MATR3: variants seen among roughly 807,000 people sequenced by gnomAD.
The protein encoded by MATR3 is matrin 3.
Under a neutral mutation model 85.5 loss-of-function variants are expected in MATR3, and 4 were observed. The ratio of observed to expected loss-of-function variants is 0.05; its 90% CI spans 0.02 to 0.11. The LOEUF is 0.11. MATR3 is among the 10% of genes least tolerant of loss of function. The pLI, the probability that MATR3 is intolerant of heterozygous loss-of-function variation, is 1.00. For missense variants in MATR3, 685 were observed against 1,016.1 expected, an observed-to-expected ratio of 0.67 and a Z score of 4.43; for synonymous variants, 336 against 343.1, an observed-to-expected ratio of 0.98 and a Z score of 0.23.
At position 139,325,904 on chromosome 5, in the gene MATR3, T is replaced by TG. The variant is rs371846952; in HGVS notation, c.2371+243dup. 2.7e-3 allele frequency among the ~76,000 whole-genome samples: 411 copies of TG among 152,360 alleles called. 12 individuals carry two copies. The highest frequency in any genetic ancestry group is 9.1e-3 in the African/African-American group (380 of 41,588). ...TGTTCCCTTTTTTCGTAAAATTTCT[T>TG]GCAAGTTACACGCTTTTGTTTTGCT... On this transcript the variant is annotated intron_variant, in intron 13 of 14. Coordinates refer to ENST00000394805, the MANE Select transcript of MATR3 (RefSeq NM_018834.6).
At chr5:139,284,562 C>T (rs1343860109) in intron 3 of MATR3, among the ~76,000 whole-genome samples, 1 of 151,428 alleles carries the variant, frequency 6.6e-6, no homozygotes, top group Non-Finnish European at 1.5e-5. Flanking sequence ...GAGCTGAGAT[C>T]GTGCCACTGC....
Position 139,327,322 on chromosome 5 carries a change from A to T in MATR3, c.2493+1038A>T, listed in dbSNP as rs866479581. Among the ~76,000 whole-genome samples, 750 of 137,924 alleles carry T rather than the reference A, an allele frequency of 5.4e-3. 10 individuals are homozygous for T. Among genetic ancestry groups the T allele is most frequent in the South Asian group, 0.02 (87 of 4,452 alleles). The allele number at this position is 137,924 out of a possible 152,430, so 90.5% of individuals were successfully genotyped here. On this transcript the variant is annotated intron_variant, in intron 14 of 14. Transcript: ENST00000394805. ...CACTTCTGTTTTTTTTTTTTTTTTTAAATGTAACTGCTCTTTGCCACCTAT... is the reference window on the plus strand; with the variant it reads ...CACTTCTGTTTTTTTTTTTTTTTTTTAATGTAACTGCTCTTTGCCACCTAT...
Position 139,326,180 on chromosome 5 carries a change from C to G in MATR3, c.2389C>G (p.Pro797Ala), listed in dbSNP as rs751811718. 6.2e-7 allele frequency: 1 copy of G among 1,606,748 alleles called. No homozygotes were observed. Among genetic ancestry groups the G allele is most frequent in the South Asian group, 1.1e-5 (1 of 90,886 alleles). ...ATTTCTAGGTATAGACTATGTGATA[C>G]CTAAAACAGGGTTTTACTGTAAGCT... The part of the protein sequence containing the change: ...NVPVGIDYVI[P>A]KTGFYCKLCS... Residue 797 changes from proline (P) to alanine (A), a missense_variant, in exon 14 of 15, where the codon CCT (proline) becomes GCT (alanine). By Grantham distance (27) the Pro-to-Ala change is conservative. Around this residue, in one of 9 missense-constraint regions of MATR3, gnomAD observed 45 missense variants for 82.5 expected, o/e 0.55. Coordinates refer to ENST00000394805, the MANE Select transcript of MATR3 (RefSeq NM_018834.6).
intron 1 of MATR3, chr5:139,300,004 G>A (rs952926236): frequency 4.6e-5 from 7 of 152,170 alleles, no homozygotes; most frequent in Admixed American, 1.3e-4. Context: ...AATGAAGAAG[G>A]AAGATGTTTA....
In MATR3 at chr5:139,315,736, A is replaced by G; in HGVS notation, c.1014A>G (p.Thr338=). 2 of 1,609,730 alleles carry G rather than the reference A, an allele frequency of 1.2e-6. No individual in the cohort carries two copies. Among genetic ancestry groups the G allele is most frequent in the Non-Finnish European group, 1.7e-6 (2 of 1,176,234 alleles). Residue 338 remains threonine (T), a splice_region_variant and synonymous_variant, in exon 4 of 15, where the codon ACA becomes ACG. Coordinates refer to ENST00000394805, the MANE Select transcript of MATR3 (RefSeq NM_018834.6). The part of the protein sequence containing the change: ...EWNPDNDTGH[T]MGDPFMLQQS... ...ATCCTGACAATGATACAGGACACAC[A>G]ATGTAAGTTAAATTTTTTAAGCTAC...
At chr5:139,306,958 T>C (rs1034304908) in intron 1 of MATR3, among the ~76,000 whole-genome samples, 2 of 152,198 alleles carry the variant, frequency 1.3e-5, no homozygotes, top group Non-Finnish European at 2.9e-5. Context: ...ACTGAAATTT[T>C]GATGTACTCA....
chr5:139,324,297 T>TG (rs992422115), intron 12 of MATR3, among the ~76,000 whole-genome samples: 8 of 146,358 alleles, frequency 5.5e-5, no homozygotes, highest in African/African-American at 2.1e-4. Context: ...ATTGTTTTTT[T>TG]TTTTTTTTTT....
chr5:139,312,665 T>C (rs745764061), intron 2 of MATR3: 5 of 152,220 alleles, frequency 3.3e-5, no homozygotes, highest in Admixed American at 6.5e-5. Context: ...TATTTATTTA[T>C]TTATTTTTGA....
At chr5:139,285,304 G>A (rs2151888875) in intron 3 of MATR3, 1 of 152,284 alleles carries the variant, frequency 6.6e-6, no homozygotes, top group Admixed American at 6.5e-5. Flanking sequence ...AGTGGGTTCT[G>A]TTTGTCCTAA....
rs145034978 is a variant in MATR3, at chr5:139,307,879, C to A, written c.464C>A (p.Thr155Asn). 1 of 1,614,060 alleles carries A rather than the reference C, an allele frequency of 6.2e-7. No homozygotes were observed. The highest frequency in any genetic ancestry group is 8.5e-7 in the Non-Finnish European group (1 of 1,180,010). The change falls in exon 2 of 15, where the codon ACC (threonine) becomes AAC (asparagine). Residue 155 changes from threonine (T) to asparagine (N), a missense_variant. Transcript: ENST00000394805. The surrounding 1 kb of genome is among the most constrained non-coding windows in gnomAD (Gnocchi z 4.4). Reference protein sequence around the residue: ...LKRRRTEEGPTLSYGRDGRSA... With the variant: ...LKRRRTEEGPNLSYGRDGRSA... ...AGGAGGAGAACTGAAGAAGGCCCTA[C>A]CTTGAGTTATGGTAGAGATGGCAGA...
chr5:139,300,477 T>G (rs1463046120), intron 1 of MATR3, among the ~76,000 whole-genome samples: 1 of 152,224 alleles, frequency 6.6e-6, no homozygotes, highest in Non-Finnish European at 1.5e-5. Flanking sequence ...ATAAAAAGTT[T>G]ATAAGCTCTT....
chr5:139,286,767 C>T (rs1476087000), intron 3 of MATR3, among the ~76,000 whole-genome samples: 2 of 151,448 alleles, frequency 1.3e-5, no homozygotes, highest in Non-Finnish European at 2.9e-5. Context: ...TTGCTTGAAC[C>T]TGGGAGGCGG....
At chr5:139,298,819 G>C (rs1416339807) in intron 1 of MATR3, among the ~76,000 whole-genome samples, 1 of 152,128 alleles carries the variant, frequency 6.6e-6, no homozygotes, top group East Asian at 1.9e-4. Context: ...AAGAAACAGC[G>C]TTGTTCTTGG....
intron 9 of MATR3, among the ~76,000 whole-genome samples, chr5:139,321,046 C>T (rs999244819): frequency 6.6e-6 from 1 of 151,708 alleles, no homozygotes; most frequent in South Asian, 2.1e-4. Context: ...TGAGCCACCG[C>T]GCCCAGCCAG....
At chr5:139,280,982 T>C (rs940593544) in intron 3 of MATR3, among the ~76,000 whole-genome samples, 8 of 149,450 alleles carry the variant, frequency 5.4e-5, no homozygotes, top group African/African-American at 2.0e-4. Context: ...AGCAAAGAAA[T>C]ATATTTCCTG....
rs1194649334 is a variant in MATR3 at position 139,327,304 on chromosome 5, G to GTT, written c.2493+1036_2493+1037dup. ...AAGTTCTTGGCTGTGTGTCACTTCT[G>GTT]TTTTTTTTTTTTTTTTTAAATGTAA... On this transcript the variant is annotated intron_variant, in intron 14 of 14. Transcript: ENST00000394805. Among the ~76,000 whole-genome samples, 445 of 119,124 alleles carry GTT rather than the reference G, an allele frequency of 3.7e-3. 1 individual carries two copies. Among genetic ancestry groups the GTT allele is most frequent in the African/African-American group, 9.4e-3 (321 of 34,328 alleles). 78.1% of individuals were successfully genotyped at this position (119,124 alleles called of 152,430 possible).
chr5:139,319,593 A>G (rs1755434222), intron 9 of MATR3, 92 bp downstream of exon 9: 1 of 1,221,680 alleles, frequency 8.2e-7, no homozygotes, highest in Non-Finnish European at 1.2e-6. Context: ...TCAACCTGTA[A>G]TCCCAGCAGT....
intron 2 of MATR3, chr5:139,311,799 G>A (rs938053185): frequency 6.3e-5 from 6 of 95,304 alleles, no homozygotes; most frequent in South Asian, 3.6e-4. Context: ...AAGGTTTCTC[G>A]CTCTGTGTCC....
intron 12 of MATR3, chr5:139,325,228 T>TC: frequency 6.5e-7 from 1 of 1,529,860 alleles, no homozygotes; most frequent in Non-Finnish European, 8.8e-7. Flanking sequence ...CCGTTTCCCT[T>TC]CAAGTAAAGC....
Sources: allele counts gnomAD v4.1 joint callset (sites outside exome capture counted in the v4.1 genomes callset), GRCh38; gene constraint gnomAD v4.1.1; regional missense constraint gnomAD v4.1.1; non-coding constraint Gnocchi (gnomAD v3.1); transcripts MANE v1.5; gene names NCBI Gene and HGNC (gene_info 2026-07-23, HGNC 2026-07-21).